Variants in GUCY1A1 observed in about 807,000 individuals in gnomAD.
The protein encoded by GUCY1A1 is guanylate cyclase soluble subunit alpha-1.
GUCY1A1 carries 48 observed loss-of-function variants against 64.5 expected under a neutral mutation model. The ratio of observed to expected loss-of-function variants is 0.74; its 90% CI spans 0.59 to 0.95. GUCY1A1 has a LOEUF of 0.95. Among genes scored for constraint, GUCY1A1 ranks in the 40% least tolerant of loss-of-function variants. GUCY1A1 has a pLI of 0.00. For synonymous variants in GUCY1A1, 308 were observed against 303.4 expected (o/e 1.02, Z -0.16); for missense variants, 804 against 825.3 (o/e 0.97, Z 0.32).
intron 2 of GUCY1A1, among the ~76,000 whole-genome samples, chr4:155,669,191 T>G (rs1295495573): frequency 6.6e-6 from 1 of 152,160 alleles, no homozygotes; most frequent in Non-Finnish European, 1.5e-5. Context: ...AACAGGTCTG[T>G]GAACGTATTT....
At chr4:155,714,227 AC>A (rs1434563799) in intron 7 of GUCY1A1, among the ~76,000 whole-genome samples, 1 of 152,172 alleles carries the variant, frequency 6.6e-6, no homozygotes, top group Non-Finnish European at 1.5e-5. Context: ...AAGTTAAAAA[AC>A]CTTTCTCATC....
intron 2 of GUCY1A1, among the ~76,000 whole-genome samples, chr4:155,671,807 A>G (rs1299648090): frequency 6.6e-6 from 1 of 152,144 alleles, no homozygotes; most frequent in Non-Finnish European, 1.5e-5. Flanking sequence ...AATAGTGTCT[A>G]AGATAATATT....
At chr4:155,669,856 T>C (rs543194544) in intron 2 of GUCY1A1, among the ~76,000 whole-genome samples, 1 of 152,308 alleles carries the variant, frequency 6.6e-6, no homozygotes, top group African/African-American at 2.4e-5. Context: ...TAGCAACTAA[T>C]GAGTGTGGAC....
intron 7 of GUCY1A1, among the ~76,000 whole-genome samples, chr4:155,715,181 TTTCAC>T (rs1733068244): frequency 6.6e-6 from 1 of 151,860 alleles, no homozygotes; most frequent in Non-Finnish European, 1.5e-5. Flanking sequence ...TCTACTTTTT[TTTCAC>T]TTCTGATTTT....
chr4:155,727,166 A>C (rs1734807109), intron 9 of GUCY1A1, among the ~76,000 whole-genome samples: 2 of 151,940 alleles, frequency 1.3e-5, no homozygotes, highest in African/African-American at 2.4e-5. Context: ...GGTGTAGAGA[A>C]AAATGTCCAC....
intron 9 of GUCY1A1, among the ~76,000 whole-genome samples, chr4:155,724,836 C>T (rs1734442295): frequency 6.6e-6 from 1 of 152,052 alleles, no homozygotes; most frequent in Admixed American, 6.6e-5. Flanking sequence ...TTCCATATTT[C>T]CACTTGGATG....
chr4:155,690,594 C>A (rs1221520362), intron 2 of GUCY1A1, among the ~76,000 whole-genome samples: 1 of 152,152 alleles, frequency 6.6e-6, no homozygotes, highest in Non-Finnish European at 1.5e-5. Context: ...TCTGTCTTAA[C>A]CTCATTCATG....
intron 2 of GUCY1A1, among the ~76,000 whole-genome samples, chr4:155,672,203 G>T (rs1400497824): frequency 6.6e-6 from 1 of 152,008 alleles, no homozygotes; most frequent in East Asian, 1.9e-4. Context: ...GAAAGTCAAG[G>T]TCATCTTGGA....
chr4:155,700,930 G>C (rs540513386), intron 3 of GUCY1A1, among the ~76,000 whole-genome samples: 1 of 152,286 alleles, frequency 6.6e-6, no homozygotes, highest in East Asian at 1.9e-4. Context: ...TTAATATATA[G>C]AATTGTTGGG....
intron 2 of GUCY1A1, among the ~76,000 whole-genome samples, chr4:155,682,235 G>A (rs150169621): frequency 6.6e-6 from 1 of 151,800 alleles, no homozygotes; most frequent in African/African-American, 2.4e-5. Context: ...CTCAAATTCT[G>A]TACATTCCAA....
In GUCY1A1 at chr4:155,733,739, A is replaced by T. The variant is rs776403725; in HGVS notation, c.*3508A>T. ...CTGACTCCCTCTCCAACAGTTTTAA[A>T]GCTACTAGATAAGAGAAGCATCAAG... is the stretch of plus-strand genomic sequence containing the variant. On this transcript the variant is annotated 3_prime_UTR_variant, in exon 10 of 10. Transcript: ENST00000506455. Among the ~76,000 whole-genome samples, 3 of 151,488 alleles carry T rather than the reference A, an allele frequency of 2.0e-5. No homozygotes were observed. The highest frequency in any genetic ancestry group is 4.4e-5 in the Non-Finnish European group (3 of 67,782).
At chr4:155,678,329 C>A (rs56787664) in intron 2 of GUCY1A1, among the ~76,000 whole-genome samples, 2,982 of 152,266 alleles carry the variant, frequency 0.02, 91 homozygotes, top group African/African-American at 0.067. Flanking sequence ...AGGACATCCC[C>A]AAGAGTTTGC....
chr4:155,706,506 G>A (rs1731776457), intron 4 of GUCY1A1, among the ~76,000 whole-genome samples: 1 of 151,334 alleles, frequency 6.6e-6, no homozygotes, highest in Non-Finnish European at 1.5e-5. Context: ...TGAAGGACTA[G>A]AGCTGCCCCC....
At chr4:155,715,534 A>G (rs1282849404) in intron 7 of GUCY1A1, among the ~76,000 whole-genome samples, 10 of 152,186 alleles carry the variant, frequency 6.6e-5, no homozygotes, top group Non-Finnish European at 1.0e-4. Context: ...GAGAGGGAGA[A>G]GAGGGCACAA....
At chr4:155,701,814 A>T (rs1056845233) in intron 3 of GUCY1A1, among the ~76,000 whole-genome samples, 1 of 151,970 alleles carries the variant, frequency 6.6e-6, no homozygotes, top group East Asian at 1.9e-4. Flanking sequence ...AAAAAAAAAA[A>T]AAAAGAAGTT....
At chr4:155,706,165 A>T (rs1461444618) in intron 4 of GUCY1A1, among the ~76,000 whole-genome samples, 1 of 152,160 alleles carries the variant, frequency 6.6e-6, no homozygotes, top group Non-Finnish European at 1.5e-5. Context: ...TTTGTTTACC[A>T]CTTCCCTGAT....
At chr4:155,689,505 C>T (rs1275806373) in intron 2 of GUCY1A1, among the ~76,000 whole-genome samples, 1 of 152,020 alleles carries the variant, frequency 6.6e-6, no homozygotes, top group East Asian at 1.9e-4. Flanking sequence ...GATTTATAAT[C>T]CCAAAGGTTT....
intron 2 of GUCY1A1, among the ~76,000 whole-genome samples, chr4:155,692,983 C>T (rs974607593): frequency 6.6e-6 from 1 of 152,000 alleles, no homozygotes; most frequent in Non-Finnish European, 1.5e-5. Flanking sequence ...TGCTTGAGCC[C>T]AGGAGGCGGA....
At chr4:155,675,162 G>T (rs893452324) in intron 2 of GUCY1A1, among the ~76,000 whole-genome samples, 4 of 151,512 alleles carry the variant, frequency 2.6e-5, no homozygotes, top group Non-Finnish European at 4.4e-5. Context: ...TTCTCCATTT[G>T]CAATATCACT....
Sources: gnomAD v4.1 joint callset for allele counts (sites outside exome capture counted in the v4.1 genomes callset) on GRCh38, gnomAD v4.1.1 for gene constraint, MANE v1.5 for transcripts, NCBI Gene and HGNC (gene_info 2026-07-23, HGNC 2026-07-21) for gene names.